Variants in UTP4 observed in about 807,000 individuals in gnomAD.
The protein encoded by UTP4 is U3 small nucleolar RNA-associated protein 4 homolog.
In UTP4, 45 loss-of-function variants were observed where a neutral mutation model predicts 82.4. The observed-to-expected ratio is 0.55, with a 90% CI of 0.43 to 0.70. UTP4 has a LOEUF of 0.70. Ranked by LOEUF, UTP4 falls within the 30% of genes least tolerant of loss-of-function variation. The probability of loss-of-function intolerance (pLI) is 0.00; values close to 1 mark genes in which losing one functional copy is unlikely to be tolerated. For synonymous variants in UTP4, 348 were observed against 300.3 expected (o/e 1.16, Z -1.64); for missense variants, 819 against 858.3 (o/e 0.95, Z 0.57).
At chr16:69,160,738 A>T (rs1963543727) in intron 13 of UTP4, among the ~76,000 whole-genome samples, 1 of 151,588 alleles carries the variant, frequency 6.6e-6, no homozygotes, top group South Asian at 2.1e-4. Context: ...CTGGGATTAC[A>T]GGTGTGTGCC....
In UTP4 at chr16:69,156,940, G is replaced by C. The variant is rs956711435; in HGVS notation, c.1288-144G>C. 50 of 775,112 alleles carry C rather than the reference G, an allele frequency of 6.5e-5. 1 individual carries two copies. Among genetic ancestry groups the C allele is most frequent in the Middle Eastern group, 2.6e-4 (1 of 3,904 alleles). The allele number at this position is 775,112 out of a possible 1,614,324, so 48.0% of individuals were successfully genotyped here. On this transcript the variant is annotated intron_variant, in intron 11 of 16. Coordinates refer to ENST00000314423, the MANE Select transcript of UTP4 (RefSeq NM_032830.3). The stretch of plus-strand genomic sequence containing the variant: ...TGAAAGGGGGATGTATAGATTACTG[G>C]AGAGAAACCAGTGTTCTGTGCCGAG...
chr16:69,165,514 T>A lies in UTP4; in HGVS notation c.1821T>A (p.Ile607=). The A allele has an allele frequency of 6.2e-7, 1 of 1,613,936 alleles. No homozygotes were observed. ...ATGATGCCTACATGTTCTGCATCAT[T>A]GACAAGTCATTGGTGAGTTCTTCAC... The part of the protein sequence containing the change: ...LLHDAYMFCI[I]DKSLPLPNDK... The change falls in exon 15 of 17, where the codon ATT becomes ATA. Residue 607 remains isoleucine, a synonymous_variant. Transcript: ENST00000314423.
Position 69,155,879 on chromosome 16 carries a change from G to GA in UTP4, c.1175dup (p.Asn392LysfsTer5), listed in dbSNP as rs1288073078. ...ATTCCTGATATTGCCAGGGTCCTGA[G>GA]AACATTATCTGTAGCTGTATCTCCC... On this transcript the variant is annotated frameshift_variant, in exon 11 of 17. Transcript: ENST00000314423. LOFTEE classifies it high-confidence loss of function. The GA allele has an allele frequency of 6.2e-7, 1 of 1,614,144 alleles. No homozygotes were observed. Among genetic ancestry groups the GA allele is most frequent in the Non-Finnish European group, 8.5e-7 (1 of 1,180,016 alleles).
chr16:69,136,741 G>T lies in UTP4; in HGVS notation c.205G>T (p.Ala69Ser). The change falls in exon 3 of 17, where the codon GCA becomes TCA. Residue 69 changes from alanine (A) to serine (S), a missense_variant. Ala to Ser is a moderately conservative substitution (Grantham distance 99, BLOSUM62 1). Transcript: ENST00000314423. ...ESRATEALCW[A>S]EGQRLFSAGL... ...TCGGGCTACAGAAGCTTTGTGCTGGGCAGAAGGACAGCGACTCTTTAGTGC... is the reference window on the plus strand; with the variant it reads ...TCGGGCTACAGAAGCTTTGTGCTGGTCAGAAGGACAGCGACTCTTTAGTGC... 1 of 1,614,046 alleles carries T rather than the reference G, an allele frequency of 6.2e-7. No homozygotes were observed. The highest frequency in any genetic ancestry group is 8.5e-7 in the Non-Finnish European group (1 of 1,179,946).
At chr16:69,166,768 C>G (rs1413789736) in intron 15 of UTP4, 2 of 364,676 alleles carry the variant, frequency 5.5e-6, no homozygotes, top group Non-Finnish European at 1.0e-5. Context: ...CAGAAGGGCC[C>G]TTTGATCTTG....
chr16:69,160,602 T>TC (rs1308943429), intron 13 of UTP4, 140 bp downstream of exon 13: 12 of 633,518 alleles, frequency 1.9e-5, no homozygotes, highest in Admixed American at 8.4e-5. Context: ...TCTTTTCTTT[T>TC]TTTTTTTTTT....
chr16:69,165,333 T>TA lies in UTP4; in HGVS notation c.1648-8_1648-7insA. ...GCCTGCATTTCTCTATGTCATGTCC[T>TA]CCCTCAGGTATTTGAGTACAGCATC... is the stretch of plus-strand genomic sequence containing the variant. On this transcript the variant is annotated splice_polypyrimidine_tract_variant and splice_region_variant and intron_variant, in intron 14 of 16. Coordinates refer to ENST00000314423, the MANE Select transcript of UTP4 (RefSeq NM_032830.3). 1.2e-6 allele frequency: 2 copies of TA among 1,613,942 alleles called. No individual in the cohort carries two copies. Among genetic ancestry groups the TA allele is most frequent in the Admixed American group, 3.3e-5 (2 of 60,020 alleles).
intron 10 of UTP4, among the ~76,000 whole-genome samples, chr16:69,154,847 G>GC (rs564048803): frequency 2.2e-4 from 33 of 152,008 alleles, no homozygotes; most frequent in African/African-American, 7.5e-4. Context: ...TCCTGCTTTA[G>GC]CCCCCCAAGT....
intron 10 of UTP4, among the ~76,000 whole-genome samples, chr16:69,155,008 C>G (rs1373100309): frequency 6.6e-6 from 1 of 152,122 alleles, no homozygotes. Flanking sequence ...GCGTGAGCCA[C>G]CGCGCCCAGC....
rs1393218429 is a variant in UTP4, at chr16:69,150,532, C to T, written c.739-5C>T. 6.2e-7 allele frequency: 1 copy of T among 1,614,076 alleles called. No individual in the cohort carries two copies. Among genetic ancestry groups the T allele is most frequent in the African/African-American group, 1.3e-5 (1 of 74,934 alleles). On this transcript the variant is annotated splice_region_variant and splice_polypyrimidine_tract_variant and intron_variant, in intron 6 of 16. Coordinates refer to ENST00000314423, the MANE Select transcript of UTP4 (RefSeq NM_032830.3). ...GTGTACCTCCCTCATGATTTAATTCCTCAGCAAGAAGACAGTTTCGTGGTG... is the reference window on the plus strand; with the variant it reads ...GTGTACCTCCCTCATGATTTAATTCTTCAGCAAGAAGACAGTTTCGTGGTG...
At chr16:69,149,934 G>A (rs1445772442) in intron 6 of UTP4, among the ~76,000 whole-genome samples, 1 of 151,834 alleles carries the variant, frequency 6.6e-6, no homozygotes, top group African/African-American at 2.4e-5. Flanking sequence ...CACCATGTTG[G>A]CCAGGCTGGT....
chr16:69,149,599 T>C (rs1963206911), intron 6 of UTP4, among the ~76,000 whole-genome samples: 2 of 152,140 alleles, frequency 1.3e-5, no homozygotes, highest in South Asian at 4.1e-4. Flanking sequence ...CACTATGTTG[T>C]GCAGACTGGT....
intron 14 of UTP4, among the ~76,000 whole-genome samples, chr16:69,164,987 A>G (rs1963665304): frequency 6.6e-6 from 1 of 152,050 alleles, no homozygotes; most frequent in African/African-American, 2.4e-5. Flanking sequence ...CGAGGTCAGG[A>G]GATCAAGACC....
rs58927210 is a variant in UTP4, at chr16:69,164,586, TTATATA to T, written c.1648-731_1648-726del. Among the ~76,000 whole-genome samples the T allele has an allele frequency of 9.4e-3, 1,244 of 132,472 alleles. 26 individuals carry two copies. The highest frequency in any genetic ancestry group is 0.09 in the South Asian group (373 of 4,144). The allele number at this position is 132,472 out of a possible 152,430, so 86.9% of individuals were successfully genotyped here. A position where few individuals can be genotyped will look rare whatever the true frequency, so the allele number is the denominator to read the frequency against. On this transcript the variant is annotated intron_variant, in intron 14 of 16. Transcript: ENST00000314423. ...TAGAAATTTCAGTTCTAATCATTCT[TTATATA>T]TATATATATATATATATATATATGT...
chr16:69,159,861 G>A (rs888918708), intron 12 of UTP4, among the ~76,000 whole-genome samples: 1 of 152,044 alleles, frequency 6.6e-6, no homozygotes, highest in East Asian at 1.9e-4. Context: ...GGTGGTGGGT[G>A]CCTGTAATCC....
At chr16:69,133,292 TTGAG>T (rs1221456748) in intron 1 of UTP4, among the ~76,000 whole-genome samples, 162 bp from the exon 2 acceptor site, 2 of 152,096 alleles carry the variant, frequency 1.3e-5, no homozygotes, top group Non-Finnish European at 2.9e-5. Flanking sequence ...CTTTTGAAGA[TTGAG>T]TAATTCTTGT....
At chr16:69,141,323 T>G (rs1275003201) in intron 5 of UTP4, among the ~76,000 whole-genome samples, 1 of 152,210 alleles carries the variant, frequency 6.6e-6, no homozygotes, top group Non-Finnish European at 1.5e-5. Context: ...GGTTTACCCT[T>G]TGGTGGATCC....
intron 12 of UTP4, among the ~76,000 whole-genome samples, chr16:69,158,825 G>T (rs1023168629): frequency 2.0e-5 from 3 of 151,982 alleles, no homozygotes; most frequent in Admixed American, 6.6e-5. Context: ...TTGTTATAAA[G>T]CCATGTTATC....
In UTP4 at chr16:69,168,829, C is replaced by T; in HGVS notation, c.1953C>T (p.Leu651=). 1 of 1,608,316 alleles carries T rather than the reference C, an allele frequency of 6.2e-7. No homozygotes were observed. Among genetic ancestry groups the T allele is most frequent in the East Asian group, 2.2e-5 (1 of 44,840 alleles). The change falls in exon 17 of 17, where the codon CTC becomes CTT. Residue 651 remains leucine (L), a synonymous_variant. Transcript: ENST00000314423. The part of the protein sequence containing the change: ...FKISKIYKPL[L]FMDLLDERTL... ...TTATCATCCCTCTGCAGCCTCTACTCTTCATGGATCTTTTGGATGAAAGAA... is the reference window on the plus strand; with the variant it reads ...TTATCATCCCTCTGCAGCCTCTACTTTTCATGGATCTTTTGGATGAAAGAA...
Sources: allele counts gnomAD v4.1 joint callset (sites outside exome capture counted in the v4.1 genomes callset), GRCh38; gene constraint gnomAD v4.1.1; transcripts MANE v1.5; gene names NCBI Gene and HGNC (gene_info 2026-07-23, HGNC 2026-07-21).